RAP1B: variants seen among roughly 807,000 people sequenced by gnomAD.
The protein encoded by RAP1B is RAP1B, member of RAS oncogene family.
In RAP1B, 1 loss-of-function variant was observed where a neutral mutation model predicts 27.5. The ratio of observed to expected loss-of-function variants is 0.04; its 90% confidence interval spans 0.01 to 0.17. The LOEUF is 0.17. RAP1B is among the 10% of genes least tolerant of loss of function. The probability of loss-of-function intolerance (pLI) is 1.00; values close to 1 mark genes in which losing one functional copy is unlikely to be tolerated. For synonymous variants in RAP1B, 75 were observed against 73.1 expected (o/e 1.03, Z -0.13); for missense variants, 84 against 214.8 (o/e 0.39, Z 3.81).
chr12:68,627,104 G>T, intron 1 of RAP1B: 2 of 1,590,652 alleles, frequency 1.3e-6, no homozygotes, highest in Non-Finnish European at 1.7e-6. Flanking sequence ...TGGTGTGAAT[G>T]GAGATGATAA....
chr12:68,629,084 G>A (rs1805716935), intron 1 of RAP1B, among the ~76,000 whole-genome samples: 1 of 152,086 alleles, frequency 6.6e-6, no homozygotes, highest in African/African-American at 2.4e-5. Flanking sequence ...GAGTGCAGTG[G>A]TGCAGTCACA....
Position 68,671,208 on chromosome 12 carries a change from A to G in RAP1B, c.*11959A>G, listed in dbSNP as rs1875080699. On this transcript the variant is annotated 3_prime_UTR_variant, in exon 8 of 8. Coordinates refer to ENST00000250559, the MANE Select transcript of RAP1B (RefSeq NM_001010942.3). Reference sequence around the variant, plus strand: ...AGCCCAACACATGGACGAAAACTTCAGAGAACACTACAGTCCCAGAAGAGA... The same window carrying G: ...AGCCCAACACATGGACGAAAACTTCGGAGAACACTACAGTCCCAGAAGAGA... 1 of 152,186 alleles carries G rather than the reference A, an allele frequency of 6.6e-6. No homozygotes were observed. Among genetic ancestry groups the G allele is most frequent in the Non-Finnish European group, 1.5e-5 (1 of 68,042 alleles). The allele number at this position is 152,186 out of a possible 1,614,324, so 9.4% of individuals were successfully genotyped here.
chr12:68,645,194 C>T (rs1403855844), intron 1 of RAP1B, among the ~76,000 whole-genome samples: 1 of 152,114 alleles, frequency 6.6e-6, no homozygotes, highest in Non-Finnish European at 1.5e-5. Context: ...CTTTGTAATC[C>T]ATCTCACAAC....
At chr12:68,616,823 C>G (rs1871060136) in intron 1 of RAP1B, among the ~76,000 whole-genome samples, 1 of 152,100 alleles carries the variant, frequency 6.6e-6, no homozygotes, top group Non-Finnish European at 1.5e-5. Context: ...ATCTTGGCCT[C>G]CCAAGTGCTG....
At chr12:68,656,550 A>T in intron 6 of RAP1B, 101 bp downstream of exon 6, 2 of 1,175,132 alleles carry the variant, frequency 1.7e-6, no homozygotes, top group Non-Finnish European at 2.5e-6. Flanking sequence ...TCAGGGTAAT[A>T]TGTTGATGTT....
intron 5 of RAP1B, among the ~76,000 whole-genome samples, chr12:68,655,465 C>T (rs1238374850): frequency 6.6e-6 from 1 of 151,818 alleles, no homozygotes; most frequent in African/African-American, 2.4e-5. Flanking sequence ...ATTACAGCAA[C>T]CTCAGGGAAC....
intron 4 of RAP1B, among the ~76,000 whole-genome samples, chr12:68,652,981 G>C (rs965574291): frequency 6.6e-6 from 1 of 152,084 alleles, no homozygotes; most frequent in Non-Finnish European, 1.5e-5. Flanking sequence ...AGGTCAAAGG[G>C]GGGTGGATCA....
At position 68,664,560 on chromosome 12, in the gene RAP1B, T is replaced by C. The variant is rs1216773506; in HGVS notation, c.*5311T>C. 2.6e-5 allele frequency: 4 copies of C among 152,064 alleles called. No individual in the cohort carries two copies. Among genetic ancestry groups the C allele is most frequent in the African/African-American group, 9.7e-5 (4 of 41,354 alleles). 9.4% of individuals were successfully genotyped at this position (152,064 alleles called of 1,614,324 possible). A position where few individuals can be genotyped will look rare whatever the true frequency, so the allele number is the denominator to read the frequency against. Reference sequence around the variant, plus strand: ...CCGTCTCTACTAAAAATAACAAAAATTAGACGGGCACGGTGGTGTGTGCCT... The same window carrying C: ...CCGTCTCTACTAAAAATAACAAAAACTAGACGGGCACGGTGGTGTGTGCCT... On this transcript the variant is annotated 3_prime_UTR_variant, in exon 8 of 8. Coordinates refer to ENST00000250559, the MANE Select transcript of RAP1B (RefSeq NM_001010942.3).
chr12:68,643,108 TG>T, intron 1 of RAP1B: 1 of 597,824 alleles, frequency 1.7e-6, no homozygotes, highest in African/African-American at 1.9e-5. Flanking sequence ...TTATAGTTTT[TG>T]TTTTTCTTCC....
intron 1 of RAP1B, among the ~76,000 whole-genome samples, chr12:68,620,474 C>T (rs942116789): frequency 5.9e-5 from 9 of 152,046 alleles, no homozygotes; most frequent in African/African-American, 1.7e-4. Context: ...CCGCCCACCT[C>T]GGCCTCCCAA....
rs1489812656 is a variant in RAP1B, at chr12:68,661,328, C to T, written c.*2079C>T. On this transcript the variant is annotated 3_prime_UTR_variant, in exon 8 of 8. Transcript: ENST00000250559. ...TGTCCTGTTACATCCATTGATACCG[C>T]CATTATTCAATAATTACTTTTAATA... 6.6e-6 allele frequency: 1 copy of T among 152,162 alleles called. No homozygotes were observed. The highest frequency in any genetic ancestry group is 2.4e-5 in the African/African-American group (1 of 41,432). 9.4% of individuals were successfully genotyped at this position (152,162 alleles called of 1,614,324 possible). A position where few individuals can be genotyped will look rare whatever the true frequency, so the allele number is the denominator to read the frequency against.
At chr12:68,617,890 A>G (rs1249625859) in intron 1 of RAP1B, among the ~76,000 whole-genome samples, 2 of 151,844 alleles carry the variant, frequency 1.3e-5, no homozygotes, top group Admixed American at 6.6e-5. Flanking sequence ...CAGCTCCCCA[A>G]GTAGCTGGGC....
intron 1 of RAP1B, among the ~76,000 whole-genome samples, chr12:68,614,309 TTTA>T (rs1437531831): frequency 1.3e-5 from 2 of 152,228 alleles, no homozygotes; most frequent in Non-Finnish European, 2.9e-5. Context: ...AATAGGCTGT[TTTA>T]TTATCGACTA....
chr12:68,648,926 C>G (rs543086538), intron 2 of RAP1B, 145 bp downstream of exon 2: 13 of 736,954 alleles, frequency 1.8e-5, no homozygotes, highest in Non-Finnish European at 2.8e-5. Context: ...TAATTTTATT[C>G]AACTTTTAAT....
At chr12:68,631,112 G>A (rs1314263064) in intron 1 of RAP1B, among the ~76,000 whole-genome samples, 1 of 152,104 alleles carries the variant, frequency 6.6e-6, no homozygotes, top group Non-Finnish European at 1.5e-5. Context: ...GATATTAGAT[G>A]CCATGGTATC....
chr12:68,630,514 T>G (rs1305380469), intron 1 of RAP1B, among the ~76,000 whole-genome samples: 2 of 152,148 alleles, frequency 1.3e-5, no homozygotes, highest in Non-Finnish European at 2.9e-5. Flanking sequence ...TTTGATTCAT[T>G]CAACAAATAA....
intron 1 of RAP1B, among the ~76,000 whole-genome samples, chr12:68,613,108 A>G (rs1005285185): frequency 2.0e-5 from 3 of 152,134 alleles, no homozygotes; most frequent in Non-Finnish European, 4.4e-5. Flanking sequence ...TAATCCCAGC[A>G]CTTTGGGAGG....
chr12:68,657,362 A>G (rs781032970), intron 7 of RAP1B, 145 bp downstream of exon 7: 3 of 521,904 alleles, frequency 5.7e-6, no homozygotes, highest in Non-Finnish European at 1.0e-5. Flanking sequence ...TTAGTATGCT[A>G]TCTTATTAAT....
chr12:68,657,091 G>T lies in RAP1B; in HGVS notation c.469-10G>T. The T allele has an allele frequency of 6.2e-7, 1 of 1,609,138 alleles. No individual in the cohort carries two copies. On this transcript the variant is annotated splice_polypyrimidine_tract_variant and intron_variant, in intron 6 of 7. Coordinates refer to ENST00000250559, the MANE Select transcript of RAP1B (RefSeq NM_001010942.3). ...CTCCTGTAAATTAAAACAAATTATT[G>T]TATTTGCAGATCTTTTATGACCTAG...
Sources: allele counts gnomAD v4.1 joint callset (sites outside exome capture counted in the v4.1 genomes callset), GRCh38; gene constraint gnomAD v4.1.1; transcripts MANE v1.5; gene names NCBI Gene and HGNC (gene_info 2026-07-23, HGNC 2026-07-21).